UGGT2: variants seen among roughly 807,000 people sequenced by gnomAD.
The protein encoded by UGGT2 is UDP-glucose:glycoprotein glucosyltransferase 2.
In UGGT2, 180 loss-of-function variants were observed where a neutral mutation model predicts 192.1. The observed-to-expected ratio is 0.94, with a 90% CI of 0.83 to 1.06. The LOEUF is 1.06. Ranked by LOEUF, UGGT2 falls within the 50% of genes least tolerant of loss-of-function variation. UGGT2 has a pLI of 0.00. For missense variants in UGGT2, 1,849 were observed against 1,795.7 expected, an observed-to-expected ratio of 1.03 and a Z score of -0.54; for synonymous variants, 580 against 591.0, an observed-to-expected ratio of 0.98 and a Z score of 0.27.
chr13:95,913,011 G>A (rs1031003124), intron 20 of UGGT2, among the ~76,000 whole-genome samples: 31 of 152,258 alleles, frequency 2.0e-4, no homozygotes, highest in African/African-American at 6.5e-4. Context: ...TTAATAAATG[G>A]TGCTGGGAAA....
intron 10 of UGGT2, among the ~76,000 whole-genome samples, chr13:95,979,581 A>G (rs1410633065): frequency 6.9e-6 from 1 of 143,902 alleles, no homozygotes; most frequent in Non-Finnish European, 1.5e-5. Context: ...TGCTTACAGA[A>G]TGCCCTGCCA....
chr13:95,998,073 A>C (rs994134492), intron 6 of UGGT2, among the ~76,000 whole-genome samples: 2 of 152,196 alleles, frequency 1.3e-5, no homozygotes, highest in African/African-American at 4.8e-5. Context: ...AAGGGCACTG[A>C]AGACCTAAGA....
chr13:95,869,193 C>T (rs1410864945), intron 29 of UGGT2, among the ~76,000 whole-genome samples: 2 of 151,934 alleles, frequency 1.3e-5, no homozygotes, highest in Non-Finnish European at 2.9e-5. Context: ...CAGCTTCATC[C>T]ATGTCCCTAC....
At chr13:95,809,028 G>C (rs1884454261) in intron 38 of UGGT2, among the ~76,000 whole-genome samples, 1 of 152,082 alleles carries the variant, frequency 6.6e-6, no homozygotes. Context: ...CCCATCTATG[G>C]AATGTTAACC....
intron 20 of UGGT2, among the ~76,000 whole-genome samples, chr13:95,922,877 T>G (rs2048892145): frequency 6.6e-6 from 1 of 151,774 alleles, no homozygotes; most frequent in African/African-American, 2.4e-5. Context: ...AAAAAGAAAC[T>G]CTCTTTGTTT....
At chr13:95,934,396 T>C (rs1462763931) in intron 17 of UGGT2, among the ~76,000 whole-genome samples, 2 of 152,248 alleles carry the variant, frequency 1.3e-5, no homozygotes, top group Non-Finnish European at 2.9e-5. Flanking sequence ...TCAGTGTCCA[T>C]TTAAGTCCAG....
chr13:96,047,598 TGA>T (rs1430100817), intron 1 of UGGT2, among the ~76,000 whole-genome samples: 2 of 151,794 alleles, frequency 1.3e-5, no homozygotes, highest in East Asian at 1.9e-4. Flanking sequence ...CCTTGCTATG[TGA>T]GAGAGACACA....
intron 29 of UGGT2, among the ~76,000 whole-genome samples, chr13:95,870,033 GA>G: frequency 6.6e-6 from 1 of 152,156 alleles, no homozygotes; most frequent in Admixed American, 6.5e-5. Flanking sequence ...TAACTGGTAA[GA>G]AACAATGATG....
chr13:96,025,870 C>T (rs1451145872), intron 2 of UGGT2, among the ~76,000 whole-genome samples: 2 of 151,852 alleles, frequency 1.3e-5, no homozygotes, highest in African/African-American at 4.8e-5. Flanking sequence ...AGTAAAGAGA[C>T]ACTGTGGAAA....
intron 1 of UGGT2, among the ~76,000 whole-genome samples, chr13:96,041,038 G>A (rs2053150155): frequency 6.6e-6 from 1 of 152,150 alleles, no homozygotes; most frequent in South Asian, 2.1e-4. Flanking sequence ...AGCAGCATGT[G>A]GAGTCTTGAA....
chr13:95,856,044 C>A, intron 34 of UGGT2, 114 bp downstream of exon 34: 1 of 879,682 alleles, frequency 1.1e-6, no homozygotes, highest in South Asian at 2.5e-5. Flanking sequence ...ACAATCGTAT[C>A]TTAAGCACCG....
At chr13:95,959,514 G>C (rs976857695) in intron 12 of UGGT2, among the ~76,000 whole-genome samples, 37 of 152,090 alleles carry the variant, frequency 2.4e-4, no homozygotes, top group African/African-American at 8.5e-4. Context: ...CAGTACCTAA[G>C]CATGCTGTCC....
intron 20 of UGGT2, among the ~76,000 whole-genome samples, chr13:95,921,115 T>G (rs1443011682): frequency 2.0e-5 from 3 of 152,108 alleles, no homozygotes; most frequent in Non-Finnish European, 4.4e-5. Flanking sequence ...ACACCACATA[T>G]TCTCACTTTT....
chr13:95,928,246 G>A (rs1001443489), intron 17 of UGGT2, among the ~76,000 whole-genome samples: 9 of 151,480 alleles, frequency 5.9e-5, no homozygotes, highest in Admixed American at 3.3e-4. Flanking sequence ...GCAGCTGGCC[G>A]GGCAGGGGCT....
chr13:96,015,385 A>AG (rs2052302189), intron 4 of UGGT2, among the ~76,000 whole-genome samples: 1 of 152,102 alleles, frequency 6.6e-6, no homozygotes, highest in Admixed American at 6.5e-5. Flanking sequence ...AATGGAATAG[A>AG]CTTTACACAC....
chr13:95,840,902 G>A (rs1216848877), intron 36 of UGGT2, among the ~76,000 whole-genome samples: 1 of 152,186 alleles, frequency 6.6e-6, no homozygotes, highest in Non-Finnish European at 1.5e-5. Context: ...TCCTTTGCAG[G>A]ATATGGATGA....
At chr13:95,916,138 T>C (rs1200899983) in intron 20 of UGGT2, among the ~76,000 whole-genome samples, 2 of 152,154 alleles carry the variant, frequency 1.3e-5, no homozygotes, top group African/African-American at 2.4e-5. Context: ...CCACCTGCTA[T>C]AGGTGTGTTT....
chr13:95,962,202 T>C (rs536247846), intron 12 of UGGT2, among the ~76,000 whole-genome samples: 1 of 151,874 alleles, frequency 6.6e-6, no homozygotes, highest in East Asian at 1.9e-4. Context: ...AACCCAAAAT[T>C]AGCAGAAAAA....
intron 8 of UGGT2, among the ~76,000 whole-genome samples, chr13:95,988,844 C>G (rs1164622233): frequency 1.3e-5 from 2 of 152,096 alleles, no homozygotes; most frequent in Non-Finnish European, 2.9e-5. Flanking sequence ...GGACCAAAAT[C>G]TTCACTTATT....
Sources: gnomAD v4.1 joint callset for allele counts (sites outside exome capture counted in the v4.1 genomes callset) on GRCh38, gnomAD v4.1.1 for gene constraint, MANE v1.5 for transcripts, NCBI Gene and HGNC (gene_info 2026-07-23, HGNC 2026-07-21) for gene names.